Variants in ATP9A observed in about 807,000 individuals in gnomAD.
ATP9A encodes the protein ATPase phospholipid transporting 9A, also known as probable phospholipid-transporting ATPase IIA.
In ATP9A, 52 loss-of-function variants were observed where a neutral mutation model predicts 144.1. The ratio of observed to expected loss-of-function variants is 0.36; its 90% confidence interval spans 0.29 to 0.45. ATP9A has a LOEUF of 0.45. Ranked by LOEUF, ATP9A falls within the 20% of genes least tolerant of loss-of-function variation. ATP9A has a pLI of 1.00. For synonymous variants in ATP9A, 582 were observed against 557.4 expected (o/e 1.04, Z -0.62); for missense variants, 947 against 1,392.7 (o/e 0.68, Z 5.09).
intron 9 of ATP9A, among the ~76,000 whole-genome samples, chr20:51,679,200 T>C (rs563537697): frequency 1.3e-5 from 2 of 152,262 alleles, no homozygotes; most frequent in East Asian, 3.9e-4. Flanking sequence ...GGCTCATGCC[T>C]GTAATCCCAG....
chr20:51,761,311 A>G (rs928628482), intron 1 of ATP9A, among the ~76,000 whole-genome samples: 20 of 152,130 alleles, frequency 1.3e-4, no homozygotes, highest in African/African-American at 4.8e-4. Context: ...AAAATGTAGG[A>G]CCTCTGAAAT....
intron 1 of ATP9A, among the ~76,000 whole-genome samples, chr20:51,756,523 T>C (rs2077856930): frequency 6.6e-6 from 1 of 152,106 alleles, no homozygotes; most frequent in African/African-American, 2.4e-5. Flanking sequence ...ACTCCTGACC[T>C]CAGGTGATCC....
At position 51,618,757 on chromosome 20, in the gene ATP9A, C is replaced by T. The variant is rs1295592970; in HGVS notation, c.2255G>A (p.Cys752Tyr). 2.5e-6 allele frequency: 4 copies of T among 1,608,492 alleles called. No homozygotes were observed. The highest frequency in any genetic ancestry group is 3.4e-6 in the Non-Finnish European group (4 of 1,177,496). ...EYEFMELACQ[C>Y]PAVVCCRCAP... ...ACATCGGCAGCAGACTACGGCCGGGCACTGGCAGGCCAGCTCCATGAACTC... is the reference window on the plus strand; with the variant it reads ...ACATCGGCAGCAGACTACGGCCGGGTACTGGCAGGCCAGCTCCATGAACTC... The change falls in exon 21 of 28, where the codon TGC (cysteine) becomes TAC (tyrosine). Residue 752 changes from cysteine to tyrosine, a missense_variant. Cys to Tyr is a radical substitution (Grantham distance 194). This residue lies in a region of ATP9A where 770 missense variants were observed against 1,047.9 expected (regional missense o/e 0.73). Coordinates refer to ENST00000338821, the MANE Select transcript of ATP9A (RefSeq NM_006045.3).
intron 1 of ATP9A, among the ~76,000 whole-genome samples, chr20:51,763,567 C>T (rs1458358228): frequency 6.6e-6 from 1 of 152,100 alleles, no homozygotes; most frequent in Non-Finnish European, 1.5e-5. Flanking sequence ...CCCACCTTGG[C>T]CTCCCAAAGT....
At chr20:51,664,699 A>G (rs921071887) in intron 13 of ATP9A, among the ~76,000 whole-genome samples, 2 of 152,150 alleles carry the variant, frequency 1.3e-5, no homozygotes, top group Non-Finnish European at 2.9e-5. Context: ...AACACTGAGA[A>G]TTATAGATTT....
At chr20:51,615,622 T>C (rs2077200349) in intron 22 of ATP9A, among the ~76,000 whole-genome samples, 1 of 152,314 alleles carries the variant, frequency 6.6e-6, no homozygotes, top group South Asian at 2.1e-4. Flanking sequence ...AGATGCGTTT[T>C]ACTTCTAGAT....
chr20:51,635,711 T>C (rs1164181014), intron 15 of ATP9A, among the ~76,000 whole-genome samples: 1 of 148,124 alleles, frequency 6.8e-6, no homozygotes, highest in Non-Finnish European at 1.5e-5. Flanking sequence ...CACTCCACCC[T>C]AGGCAACAGA....
At chr20:51,746,704 T>A (rs983199181) in intron 1 of ATP9A, among the ~76,000 whole-genome samples, 1 of 152,128 alleles carries the variant, frequency 6.6e-6, no homozygotes, top group Non-Finnish European at 1.5e-5. Context: ...CCGGACATGG[T>A]GGGGGACACC....
At chr20:51,624,748 T>C (rs2122728118) in intron 18 of ATP9A, among the ~76,000 whole-genome samples, 1 of 152,224 alleles carries the variant, frequency 6.6e-6, no homozygotes, top group Middle Eastern at 3.4e-3. Context: ...GGCTCACACC[T>C]GTAATCCTAG....
At chr20:51,612,291 C>T (rs1252162977) in intron 23 of ATP9A, among the ~76,000 whole-genome samples, 1 of 152,234 alleles carries the variant, frequency 6.6e-6, no homozygotes, top group Non-Finnish European at 1.5e-5. Context: ...CACCACTCAA[C>T]TGGGAGCATT....
In ATP9A at chr20:51,690,885, C is replaced by T. The variant is rs1441319412; in HGVS notation, c.643-66G>A. The T allele has an allele frequency of 3.9e-6, 5 of 1,272,062 alleles. No individual in the cohort carries two copies. The African/African-American group carries it at 7.4e-5, about 19-fold the overall frequency. The allele number at this position is 1,272,062 out of a possible 1,614,324, so 78.8% of individuals were successfully genotyped here. ...ACAATGCAAGACTTCAGGAGGCATC[C>T]ACTATGTTTCCAAAGCAACTATATT... On this transcript the variant is annotated intron_variant, in intron 7 of 27. Coordinates refer to ENST00000338821, the MANE Select transcript of ATP9A (RefSeq NM_006045.3).
At chr20:51,728,185 T>C (rs1202627380) in intron 2 of ATP9A, among the ~76,000 whole-genome samples, 1 of 152,090 alleles carries the variant, frequency 6.6e-6, no homozygotes, top group Non-Finnish European at 1.5e-5. Flanking sequence ...GGCCACATAG[T>C]CCAGGTGCCA....
chr20:51,652,231 G>A (rs1348171396), intron 14 of ATP9A, among the ~76,000 whole-genome samples: 1 of 152,176 alleles, frequency 6.6e-6, no homozygotes, highest in Non-Finnish European at 1.5e-5. Context: ...CATTTCCTCC[G>A]TGACTTACTG....
At chr20:51,717,925 G>GT (rs2077669333) in intron 3 of ATP9A, among the ~76,000 whole-genome samples, 1 of 151,574 alleles carries the variant, frequency 6.6e-6, no homozygotes, top group Non-Finnish European at 1.5e-5. Context: ...TTGCACTCCA[G>GT]CCTGGGTGAC....
chr20:51,599,481 G>A lies in ATP9A; in HGVS notation c.*1730C>T, dbSNP rs946444790. Reference sequence around the variant, plus strand: ...ATTCACTCAATACATCTTTTCTGCCGACCTTTTCCCTCTGGCAGAAATGGC... The same window carrying A: ...ATTCACTCAATACATCTTTTCTGCCAACCTTTTCCCTCTGGCAGAAATGGC... On this transcript the variant is annotated 3_prime_UTR_variant, in exon 28 of 28. Coordinates refer to ENST00000338821, the MANE Select transcript of ATP9A (RefSeq NM_006045.3). 3.3e-5 allele frequency: 5 copies of A among 152,100 alleles called. No homozygotes were observed. The highest frequency in any genetic ancestry group is 1.5e-5 in the Non-Finnish European group (1 of 68,028). The allele number at this position is 152,100 out of a possible 1,614,324, so 9.4% of individuals were successfully genotyped here. A position where few individuals can be genotyped will look rare whatever the true frequency, so the allele number is the denominator to read the frequency against.
intron 13 of ATP9A, among the ~76,000 whole-genome samples, chr20:51,659,911 G>A (rs890613252): frequency 6.6e-6 from 1 of 152,134 alleles, no homozygotes; most frequent in Non-Finnish European, 1.5e-5. Context: ...TTCACTTCCA[G>A]GCCAAAGGGC....
chr20:51,761,020 C>G (rs1390865556), intron 1 of ATP9A, among the ~76,000 whole-genome samples: 1 of 152,056 alleles, frequency 6.6e-6, no homozygotes, highest in African/African-American at 2.4e-5. Context: ...AGTGAGACTC[C>G]GTCTCAAAAT....
At chr20:51,733,282 CA>C (rs762639945) in intron 1 of ATP9A, among the ~76,000 whole-genome samples, 16 of 152,158 alleles carry the variant, frequency 1.1e-4, no homozygotes, top group Non-Finnish European at 2.1e-4. Context: ...ATGTAATTTA[CA>C]AACAAGGAAA....
intron 1 of ATP9A, among the ~76,000 whole-genome samples, chr20:51,742,324 CAA>C (rs74175576): frequency 2.5e-4 from 29 of 118,100 alleles, no homozygotes; most frequent in East Asian, 3.3e-4. Context: ...AACACTGTCT[CAA>C]AAAAAAAAAA....
Sources: gnomAD v4.1 joint callset for allele counts (sites outside exome capture counted in the v4.1 genomes callset) on GRCh38, gnomAD v4.1.1 for gene constraint, gnomAD v4.1.1 regional missense constraint, MANE v1.5 for transcripts, NCBI Gene and HGNC (gene_info 2026-07-23, HGNC 2026-07-21) for gene names.